The following TRPM5 variants were observed in gnomAD, a reference collection of about 807,000 sequenced individuals.
TRPM5 encodes MLSN1 and TRP-related.
TRPM5 carries 121 observed loss-of-function variants against 124.9 expected under a neutral mutation model. That is an observed-to-expected ratio of 0.97 (90% CI 0.84 to 1.13). The LOEUF (loss-of-function observed/expected upper bound fraction) is 1.13, where lower values mean the gene tolerates loss of function less well. Among genes scored for constraint, TRPM5 ranks in the 50% most tolerant of loss-of-function variants. The pLI is 0.00. For synonymous variants in TRPM5, 781 were observed against 700.5 expected (o/e 1.11, Z -1.81); for missense variants, 1,643 against 1,589.1 (o/e 1.03, Z -0.58).
At position 2,419,807 on chromosome 11, in the gene TRPM5, C is replaced by T. The variant is rs142092586; in HGVS notation, c.649+415G>A. 1.6e-3 allele frequency among the ~76,000 whole-genome samples: 239 copies of T among 152,328 alleles called. 1 individual carries two copies. Among genetic ancestry groups the T allele is most frequent in the African/African-American group, 5.6e-3 (233 of 41,570 alleles). On this transcript the variant is annotated intron_variant, in intron 4 of 23. Coordinates refer to ENST00000155858, the Ensembl canonical transcript of TRPM5. ...TGAACGTGCGACTGGCCAGAGGTGCCCATTTCTCGGGTGACGCTGCCCTCT... is the reference window on the plus strand; with the variant it reads ...TGAACGTGCGACTGGCCAGAGGTGCTCATTTCTCGGGTGACGCTGCCCTCT...
At chr11:2,425,202 C>T (rs148371645), upstream of TRPM5, among the ~76,000 whole-genome samples, 137 of 152,254 alleles carry the variant, frequency 9.0e-4, no homozygotes, top group Admixed American at 1.7e-3. Flanking sequence ...GCCACACTCT[C>T]GGGGGCTCAA....
intron 3 of TRPM5, 113 bp downstream of exon 8, chr11:2,420,919 C>T: frequency 8.1e-7 from 1 of 1,238,346 alleles, no homozygotes; most frequent in South Asian, 1.6e-5. Flanking sequence ...CCGCTCCCTG[C>T]TCTTCCTCCA....
At chr11:2,412,625 G>C (rs745568035) in intron 15 of TRPM5, 129 bp downstream of exon 20, 32 of 1,038,770 alleles carry the variant, frequency 3.1e-5, no homozygotes, top group Admixed American at 5.8e-5. Context: ...TGACTGGGAA[G>C]ATGGGAGGCC....
Position 2,406,686 on chromosome 11 carries a change from C to A in TRPM5, c.3226G>T (p.Glu1076Ter). The change falls in exon 21 of 24, where the codon GAG becomes TAG. Residue 1076 changes from glutamate (E) to a stop codon, truncating the protein, a stop_gained. Transcript: ENST00000155858. LOFTEE classifies it high-confidence loss of function. The stretch of plus-strand genomic sequence containing the variant: ...CTGTGGGCGGTTTTCCGCAGCACCT[C>A]CCCCTCGCTGTCCCTCCTCCGCTTC... 1 of 1,612,832 alleles carries A rather than the reference C, an allele frequency of 6.2e-7. No individual in the cohort carries two copies. Among genetic ancestry groups the A allele is most frequent in the Non-Finnish European group, 8.5e-7 (1 of 1,179,572 alleles).
chr11:2,417,698 C>G lies in TRPM5; in HGVS notation c.1009+29G>C, dbSNP rs751546660. The G allele has an allele frequency of 2.7e-6, 4 of 1,500,168 alleles. No homozygotes were observed. The South Asian group carries it at 4.8e-5, about 18-fold the overall frequency. 92.9% of individuals were successfully genotyped at this position (1,500,168 alleles called of 1,614,324 possible). ...CTGAGCATGAAGCCCCCCAATGGCG[C>G]CTGCCTTGCCCACCCTGCCCGCCCT... On this transcript the variant is annotated intron_variant, in intron 7 of 23. Coordinates refer to ENST00000155858, the Ensembl canonical transcript of TRPM5.
rs762640609 is a variant in TRPM5, at chr11:2,418,355, T to G, written c.718A>C (p.Ile240Leu). Residue 240 changes from isoleucine (I) to leucine (L), a missense_variant, in exon 6 of 24, where the codon ATC (isoleucine) becomes CTC (leucine). Transcript: ENST00000155858. ...GCAGCCTGCTCCACGGCCCTGGAGATCCTCTGAGACGGGGAGGGAGGGGAG... is the reference window on the plus strand; with the variant it reads ...GCAGCCTGCTCCACGGCCCTGGAGAGCCTCTGAGACGGGGAGGGAGGGGAG... 1.7e-5 allele frequency: 26 copies of G among 1,549,406 alleles called. No homozygotes were observed. In the South Asian group the frequency reaches 2.9e-4, roughly 18 times the overall value.
At chr11:2,440,772 G>A in the TRPM5 span, among the ~76,000 whole-genome samples, 2 of 152,244 alleles carry the variant, frequency 1.3e-5, no homozygotes, top group Admixed American at 1.3e-4. This position sits in a 1 kb window ranked among gnomAD's most constrained non-coding sequence, Gnocchi z 5.2. Context: ...TTGAATGAAT[G>A]AATAGGTAGG....
At chr11:2,405,556 T>C (rs768288088) in exon 23 of TRPM5, 2 of 1,565,910 alleles carry the variant, frequency 1.3e-6, no homozygotes, top group Non-Finnish European at 1.7e-6. Flanking sequence ...GGCCAGCACG[T>C]CAGCCACGGA....
chr11:2,437,831 C>A, the TRPM5 span, among the ~76,000 whole-genome samples: 3 of 152,110 alleles, frequency 2.0e-5, no homozygotes, highest in Non-Finnish European at 4.4e-5. This position sits in a 1 kb window ranked among gnomAD's most constrained non-coding sequence, Gnocchi z 5.6. Flanking sequence ...TATGAGCATG[C>A]GGGGGCAGGT....
At chr11:2,405,042 G>C (rs1281590619) in exon 24 of TRPM5, 1 of 1,611,978 alleles carries the variant, frequency 6.2e-7, no homozygotes. Context: ...AGTGCTGAGA[G>C]CCTGCTGGGA....
In TRPM5 at chr11:2,421,031, C is replaced by T. The variant is rs1412964187; in HGVS notation, c.465+1G>A. 6.5e-7 allele frequency: 1 copy of T among 1,539,198 alleles called. No individual in the cohort carries two copies. The highest frequency in any genetic ancestry group is 8.7e-7 in the Non-Finnish European group (1 of 1,145,456). On this transcript the variant is annotated splice_donor_variant, in intron 3 of 23. Transcript: ENST00000155858. LOFTEE classifies it high-confidence loss of function. ...CGTGGTGCTGGGAGCTGGACGTGCA[C>T]CTGGGCCTCCTCCAGAATGCGGCGG...
chr11:2,414,751 C>T lies in TRPM5; in HGVS notation c.1708G>A (p.Ala570Thr), dbSNP rs538197553. The change falls in exon 11 of 24, where the codon GCC (alanine) becomes ACC (threonine). Residue 570 changes from alanine to threonine, a missense_variant. Physicochemically the swap from Ala to Thr is moderately conservative, Grantham distance 58. Coordinates refer to ENST00000155858, the Ensembl canonical transcript of TRPM5. Reference sequence around the variant, plus strand: ...CGCTCGTATTTCGCCTCGCGCGTGGCTCGGGCCGCCTCGGCCTCCGTCTCC... The same window carrying T: ...CGCTCGTATTTCGCCTCGCGCGTGGTTCGGGCCGCCTCGGCCTCCGTCTCC... The T allele has an allele frequency of 2.8e-5, 44 of 1,547,500 alleles. No individual in the cohort carries two copies. In the East Asian group the frequency reaches 1.1e-3, roughly 37 times the overall value.
At chr11:2,405,002 C>T in exon 24 of TRPM5, 2 of 1,612,790 alleles carry the variant, frequency 1.2e-6, no homozygotes, top group South Asian at 1.1e-5. Flanking sequence ...CCTCTGTGGT[C>T]AGCAGCCACC....
the TRPM5 span, among the ~76,000 whole-genome samples, chr11:2,431,379 C>T: frequency 1.3e-5 from 2 of 152,146 alleles, no homozygotes; most frequent in Non-Finnish European, 2.9e-5. Flanking sequence ...TAGCCTGTGT[C>T]GTTGCCCTAC....
chr11:2,444,350 G>C, the TRPM5 span, among the ~76,000 whole-genome samples: 1 of 151,526 alleles, frequency 6.6e-6, no homozygotes, highest in East Asian at 2.0e-4. Flanking sequence ...TCAGAGGGAG[G>C]GAAAGTAGAT....
At chr11:2,411,570 G>C (rs542772662) in intron 17 of TRPM5, 44 bp from the exon 23 acceptor site, 3 of 1,608,100 alleles carry the variant, frequency 1.9e-6, no homozygotes. Context: ...GCGGCCAGCC[G>C]GGTGGGGCCC....
intron 8 of TRPM5, 78 bp from the exon 14 acceptor site, chr11:2,415,549 G>T: frequency 1.0e-6 from 1 of 1,004,018 alleles, no homozygotes; most frequent in Non-Finnish European, 1.4e-6. Flanking sequence ...CAAGGAAGGA[G>T]AGAGCAGGGA....
At chr11:2,414,195 C>T (rs766378690) in exon 12 of TRPM5, 8 of 1,609,274 alleles carry the variant, frequency 5.0e-6, no homozygotes, top group Non-Finnish European at 6.8e-6. Context: ...CTGTAGCACT[C>T]GGAGAAGAGG....
At chr11:2,412,114 C>T (rs759416017) in intron 16 of TRPM5, 21 bp downstream of exon 21, 29 of 1,588,996 alleles carry the variant, frequency 1.8e-5, no homozygotes, top group African/African-American at 6.7e-5. Context: ...TGAGGCCACA[C>T]GGCCTCTGGG....
Sources: gnomAD v4.1 joint callset for allele counts (sites outside exome capture counted in the v4.1 genomes callset) on GRCh38, gnomAD v4.1.1 for gene constraint, Gnocchi (gnomAD v3.1) non-coding constraint, MANE v1.5 for transcripts, NCBI Gene and HGNC (gene_info 2026-07-23, HGNC 2026-07-21) for gene names.